Variants in TENM3 observed in about 807,000 individuals in gnomAD.
The protein encoded by TENM3 is teneurin-3.
A neutral mutation model predicts 255.1 loss-of-function variants in TENM3; 63 were observed. The observed-to-expected ratio is 0.25, with a 90% CI of 0.20 to 0.30. TENM3 has a LOEUF of 0.30. TENM3 is among the 10% of genes least tolerant of loss of function. TENM3 has a pLI of 1.00. For synonymous variants in TENM3, 1,306 were observed against 1,322.3 expected (o/e 0.99, Z 0.27); for missense variants, 2,929 against 3,461.1 (o/e 0.85, Z 3.86).
chr4:181,461,631 A>G, the TENM3 span, among the ~76,000 whole-genome samples: 1 of 152,062 alleles, frequency 6.6e-6, no homozygotes, highest in African/African-American at 2.4e-5. Context: ...TTCTATTGCA[A>G]TGTATTATCT....
chr4:181,583,144 T>TTTTA, the TENM3 span, among the ~76,000 whole-genome samples: 1 of 151,966 alleles, frequency 6.6e-6, no homozygotes, highest in Non-Finnish European at 1.5e-5. Flanking sequence ...TTTTTTTTTT[T>TTTTA]ACTTTGGGCA....
chr4:182,146,441 A>G (rs1332600856), intron 1 of TENM3, among the ~76,000 whole-genome samples: 1 of 152,170 alleles, frequency 6.6e-6, no homozygotes, highest in Non-Finnish European at 1.5e-5. Context: ...TTCTTCAAAG[A>G]TAGGAGTTTA....
chr4:181,793,176 AT>A, the TENM3 span, among the ~76,000 whole-genome samples: 11 of 152,170 alleles, frequency 7.2e-5, no homozygotes, highest in African/African-American at 2.4e-4. Context: ...CGCTAGACTC[AT>A]TCATGCATCC....
the TENM3 span, among the ~76,000 whole-genome samples, chr4:181,631,312 G>A: frequency 1.3e-5 from 2 of 150,886 alleles, no homozygotes; most frequent in Admixed American, 6.6e-5. Flanking sequence ...TTTTTTAGAC[G>A]AAGTTTCTCT....
chr4:181,636,613 G>A, the TENM3 span, among the ~76,000 whole-genome samples: 3 of 152,076 alleles, frequency 2.0e-5, no homozygotes, highest in East Asian at 3.9e-4. Context: ...TACTCTTGGC[G>A]CTACCTTCTT....
chr4:182,784,619 A>T (rs1765471812), intron 24 of TENM3, among the ~76,000 whole-genome samples: 1 of 151,816 alleles, frequency 6.6e-6, no homozygotes. Flanking sequence ...TTACCTAAGC[A>T]AGCCTGGGCA....
At chr4:182,621,766 TTA>T (rs1750264816) in intron 4 of TENM3, among the ~76,000 whole-genome samples, 1 of 81,038 alleles carries the variant, frequency 1.2e-5, no homozygotes, top group Non-Finnish European at 2.3e-5. Flanking sequence ...TATATAATAA[TTA>T]TATATTATAT....
At chr4:182,420,663 G>C (rs1770762361) in intron 3 of TENM3, among the ~76,000 whole-genome samples, 1 of 152,180 alleles carries the variant, frequency 6.6e-6, no homozygotes, top group African/African-American at 2.4e-5. Flanking sequence ...TGGCTGCTGT[G>C]GGGGCAGAAT....
the TENM3 span, among the ~76,000 whole-genome samples, chr4:182,026,574 G>A: frequency 2.0e-5 from 3 of 152,084 alleles, no homozygotes; most frequent in Admixed American, 6.5e-5. Context: ...GTGTTTTCCT[G>A]TAGTAGTTTC....
intron 5 of TENM3, among the ~76,000 whole-genome samples, chr4:182,643,113 A>C (rs1165712939): frequency 6.6e-6 from 1 of 152,210 alleles, no homozygotes; most frequent in Non-Finnish European, 1.5e-5. Flanking sequence ...TTCATTTTAC[A>C]TTGAAAGCTT....
chr4:182,550,243 G>T (rs1741865577), intron 3 of TENM3, among the ~76,000 whole-genome samples: 1 of 152,148 alleles, frequency 6.6e-6, no homozygotes, highest in Non-Finnish European at 1.5e-5. Flanking sequence ...TATGTACGTT[G>T]ATTTACAAAT....
the TENM3 span, among the ~76,000 whole-genome samples, chr4:181,968,284 G>C: frequency 6.6e-6 from 1 of 152,120 alleles, no homozygotes; most frequent in Non-Finnish European, 1.5e-5. Flanking sequence ...TGAATTACAT[G>C]CTTGGTCCTC....
intron 1 of TENM3, 106 bp from the exon 2 acceptor site, chr4:182,323,840 T>G: frequency 1.7e-6 from 1 of 597,978 alleles, no homozygotes; most frequent in Non-Finnish European, 3.0e-6. Flanking sequence ...GTTTCCTAGA[T>G]AAGCAATACT....
chr4:182,039,609 T>C, the TENM3 span, among the ~76,000 whole-genome samples: 4 of 152,044 alleles, frequency 2.6e-5, no homozygotes, highest in Admixed American at 2.6e-4. Context: ...CTATAACATA[T>C]CTGTAGTGAT....
chr4:182,659,687 G>T (rs1363791057), intron 6 of TENM3, among the ~76,000 whole-genome samples: 1 of 152,144 alleles, frequency 6.6e-6, no homozygotes, highest in Non-Finnish European at 1.5e-5. Context: ...CTCTCAGCTG[G>T]ATATGGTAGC....
At chr4:182,180,515 A>G (rs772692751) in intron 1 of TENM3, among the ~76,000 whole-genome samples, 19 of 152,218 alleles carry the variant, frequency 1.2e-4, no homozygotes, top group Non-Finnish European at 2.4e-4. Context: ...TTTTTTTAAT[A>G]CTTCTTTAAT....
chr4:182,585,142 A>G (rs1745888883), intron 3 of TENM3, among the ~76,000 whole-genome samples: 1 of 152,228 alleles, frequency 6.6e-6, no homozygotes, highest in Non-Finnish European at 1.5e-5. Context: ...AACACTTCAC[A>G]GTTTATAAAA....
chr4:181,693,446 G>A, the TENM3 span, among the ~76,000 whole-genome samples: 1 of 152,142 alleles, frequency 6.6e-6, no homozygotes, highest in African/African-American at 2.4e-5. Flanking sequence ...CAGTGGAGAT[G>A]GCCCTGAGTG....
At chr4:182,198,910 A>G (rs1449903191) in intron 1 of TENM3, among the ~76,000 whole-genome samples, 1 of 152,186 alleles carries the variant, frequency 6.6e-6, no homozygotes, top group Non-Finnish European at 1.5e-5. Flanking sequence ...TTCCCATAGA[A>G]GAAGACAAAG....
Sources: allele counts gnomAD v4.1 joint callset (sites outside exome capture counted in the v4.1 genomes callset), GRCh38; gene constraint gnomAD v4.1.1; transcripts MANE v1.5; gene names NCBI Gene and HGNC (gene_info 2026-07-23, HGNC 2026-07-21).